Variants in DZIP1L observed in about 807,000 individuals in gnomAD.
DZIP1L encodes the protein cilium assembly protein DZIP1L.
A neutral mutation model predicts 88.7 loss-of-function variants in DZIP1L; 90 were observed. The observed-to-expected ratio is 1.02, with a 90% CI of 0.86 to 1.21. The LOEUF (loss-of-function observed/expected upper bound fraction) is 1.21, where lower values mean the gene tolerates loss of function less well. DZIP1L is among the 50% of genes most tolerant of loss of function. The pLI is 0.00. For missense variants in DZIP1L, 932 were observed against 955.8 expected, an observed-to-expected ratio of 0.98 and a Z score of 0.33; for synonymous variants, 363 against 372.1, an observed-to-expected ratio of 0.98 and a Z score of 0.28.
intron 12 of DZIP1L, among the ~76,000 whole-genome samples, chr3:138,070,820 G>A (rs1420709086): frequency 1.3e-5 from 2 of 152,194 alleles, no homozygotes; most frequent in Non-Finnish European, 2.9e-5. Flanking sequence ...GAGCAGGACA[G>A]CACCTGCATG....
chr3:138,100,611 C>T (rs1289778624), intron 2 of DZIP1L, among the ~76,000 whole-genome samples: 2 of 152,118 alleles, frequency 1.3e-5, no homozygotes, highest in Admixed American at 1.3e-4. Context: ...GATGCTAACT[C>T]CAGGTAGATA....
intron 1 of DZIP1L, 96 bp from the exon 2 acceptor site, chr3:138,104,148 G>T: frequency 8.5e-7 from 1 of 1,174,764 alleles, no homozygotes; most frequent in East Asian, 2.6e-5. Flanking sequence ...GCAAAGTGAG[G>T]TGTCTGTGCA....
At chr3:138,088,749 A>G (rs1016439888) in intron 5 of DZIP1L, 3 of 1,173,936 alleles carry the variant, frequency 2.6e-6, no homozygotes, top group Admixed American at 8.9e-5. Flanking sequence ...TAAAGAGTGT[A>G]GTTTCCATTT....
In DZIP1L at chr3:138,097,859, G is replaced by T. The variant is rs185392488; in HGVS notation, c.502-12C>A. The T allele has an allele frequency of 7.2e-5, 115 of 1,606,042 alleles. No homozygotes were observed. The African/African-American group carries it at 1.2e-3, about 17-fold the overall frequency. On this transcript the variant is annotated splice_polypyrimidine_tract_variant and intron_variant, in intron 2 of 15. Transcript: ENST00000327532. Reference sequence around the variant, plus strand: ...TCACACAGGTGGCACTATACAGAGAGGAAGCAATGGGGAGTACAAGATTAG... The same window carrying T: ...TCACACAGGTGGCACTATACAGAGATGAAGCAATGGGGAGTACAAGATTAG...
intron 9 of DZIP1L, among the ~76,000 whole-genome samples, 175 bp from the exon 10 acceptor site, chr3:138,080,795 C>T (rs1016711375): frequency 1.3e-5 from 2 of 152,174 alleles, no homozygotes; most frequent in Non-Finnish European, 2.9e-5. Context: ...AGATCAGAGT[C>T]CACACACTAG....
At chr3:138,104,174 A>G in intron 1 of DZIP1L, 122 bp from the exon 2 acceptor site, 1 of 927,750 alleles carries the variant, frequency 1.1e-6, no homozygotes, top group Non-Finnish European at 1.6e-6. Flanking sequence ...TGTAGCATTC[A>G]TGGTGTGTGC....
intron 11 of DZIP1L, among the ~76,000 whole-genome samples, chr3:138,072,962 T>C (rs1943247628): frequency 6.6e-6 from 1 of 152,122 alleles, no homozygotes. Context: ...CCTGGGAATA[T>C]AACTCCATTG....
chr3:138,078,819 C>T (rs117785188), intron 10 of DZIP1L, among the ~76,000 whole-genome samples: 6 of 152,340 alleles, frequency 3.9e-5, no homozygotes, highest in East Asian at 3.9e-4. Flanking sequence ...GCTTTAAATG[C>T]TACTGGTGCC....
chr3:138,076,009 G>A (rs1375203367), intron 11 of DZIP1L, among the ~76,000 whole-genome samples: 1 of 152,170 alleles, frequency 6.6e-6, no homozygotes, highest in African/African-American at 2.4e-5. Context: ...ACACCTCATG[G>A]AACTGGAGAA....
At chr3:138,073,655 G>A (rs938987022) in intron 11 of DZIP1L, among the ~76,000 whole-genome samples, 2 of 152,048 alleles carry the variant, frequency 1.3e-5, no homozygotes, top group Admixed American at 6.6e-5. Context: ...ACAAGACAAG[G>A]TTCTTTAACA....
chr3:138,063,102 C>T lies in DZIP1L; in HGVS notation c.2143-125G>A. The T allele has an allele frequency of 9.4e-7, 1 of 1,063,578 alleles. No individual in the cohort carries two copies. The highest frequency in any genetic ancestry group is 1.4e-6 in the Non-Finnish European group (1 of 739,536). 65.9% of individuals were successfully genotyped at this position (1,063,578 alleles called of 1,614,324 possible). A position where few individuals can be genotyped will look rare whatever the true frequency, so the allele number is the denominator to read the frequency against. ...GGACAAATGCAGACTGGGAAGAAAG[C>T]AATAGGGAGATGCTACTCCTCCTGA... On this transcript the variant is annotated intron_variant, in intron 15 of 15. Coordinates refer to ENST00000327532, the MANE Select transcript of DZIP1L (RefSeq NM_173543.3). This position sits in a 1 kb window ranked among gnomAD's most constrained non-coding sequence, Gnocchi z 4.1.
intron 1 of DZIP1L, among the ~76,000 whole-genome samples, chr3:138,110,750 T>G (rs539337088): frequency 6.6e-6 from 1 of 152,376 alleles, no homozygotes; most frequent in South Asian, 2.1e-4. Context: ...AATTCTATTA[T>G]TTTCCATACA....
chr3:138,088,746 T>A, intron 5 of DZIP1L: 1 of 1,179,764 alleles, frequency 8.5e-7, no homozygotes, highest in Non-Finnish European at 1.1e-6. Context: ...AATTAAAGAG[T>A]GTAGTTTCCA....
chr3:138,112,332 C>A (rs2042632104), intron 1 of DZIP1L: 1 of 152,104 alleles, frequency 6.6e-6, no homozygotes, highest in Non-Finnish European at 1.5e-5. Flanking sequence ...TAATGATATA[C>A]AAATTATTTT....
intron 11 of DZIP1L, among the ~76,000 whole-genome samples, chr3:138,075,718 T>C (rs1001537452): frequency 6.6e-6 from 1 of 152,178 alleles, no homozygotes; most frequent in Non-Finnish European, 1.5e-5. Context: ...CCTGGCGCGG[T>C]GGCTCACGCC....
At chr3:138,067,177 G>A (rs892041156) in intron 14 of DZIP1L, among the ~76,000 whole-genome samples, 2 of 152,156 alleles carry the variant, frequency 1.3e-5, no homozygotes, top group African/African-American at 4.8e-5. Flanking sequence ...CTACTAGAGC[G>A]AGGCTTTGAT....
At chr3:138,090,102 T>C (rs925110782) in intron 5 of DZIP1L, among the ~76,000 whole-genome samples, 4 of 151,736 alleles carry the variant, frequency 2.6e-5, no homozygotes, top group African/African-American at 9.7e-5. Flanking sequence ...ATTGTGCCAC[T>C]GCACTCGAGC....
rs777215911 is a variant in DZIP1L at position 138,086,973 on chromosome 3, A to T, written c.1050T>A (p.Ala350=). 2 of 1,613,896 alleles carry T rather than the reference A, an allele frequency of 1.2e-6. No individual in the cohort carries two copies. Among genetic ancestry groups the T allele is most frequent in the Non-Finnish European group, 1.7e-6 (2 of 1,179,972 alleles). ...CAACAAAAGCTACCTCTTTCTTCTC[A>T]GCCATGTGCTCTTCATGCAGTTCCT... The part of the protein sequence containing the change: ...KVKELHEEHM[A]EKKELQEENQ... The change falls in exon 7 of 16, where the codon GCT becomes GCA. Residue 350 remains alanine, a synonymous_variant. Transcript: ENST00000327532.
chr3:138,106,571 C>T (rs901475759), intron 1 of DZIP1L, among the ~76,000 whole-genome samples: 1 of 151,920 alleles, frequency 6.6e-6, no homozygotes, highest in Non-Finnish European at 1.5e-5. Flanking sequence ...CAGTGGCTCA[C>T]GCCTGTAATC....
Sources: gnomAD v4.1 joint callset for allele counts (sites outside exome capture counted in the v4.1 genomes callset) on GRCh38, gnomAD v4.1.1 for gene constraint, Gnocchi (gnomAD v3.1) non-coding constraint, MANE v1.5 for transcripts, NCBI Gene and HGNC (gene_info 2026-07-23, HGNC 2026-07-21) for gene names.